Variants in ATP6V0A1 observed in about 807,000 individuals in gnomAD.
ATP6V0A1 encodes V-type proton ATPase 116 kDa subunit a 1.
A neutral mutation model predicts 105.4 loss-of-function variants in ATP6V0A1; 43 were observed. The ratio of observed to expected loss-of-function variants is 0.41; its 90% CI spans 0.32 to 0.53. ATP6V0A1 has a LOEUF of 0.53. Ranked by LOEUF, ATP6V0A1 falls within the 20% of genes least tolerant of loss-of-function variation. The probability of loss-of-function intolerance (pLI) is 0.30; values close to 1 mark genes in which losing one functional copy is unlikely to be tolerated. For synonymous variants in ATP6V0A1, 362 were observed against 372.8 expected, an observed-to-expected ratio of 0.97 and a Z score of 0.33; for missense variants, 676 against 1,051.1, an observed-to-expected ratio of 0.64 and a Z score of 4.93.
chr17:42,506,664 T>C (rs1047663322), intron 17 of ATP6V0A1, among the ~76,000 whole-genome samples: 1 of 152,248 alleles, frequency 6.6e-6, no homozygotes, highest in Non-Finnish European at 1.5e-5. Context: ...TTAGCACTAA[T>C]TGGGATCTGT....
intron 18 of ATP6V0A1, among the ~76,000 whole-genome samples, 198 bp from the exon 19 acceptor site, chr17:42,508,374 T>G (rs2146231379): frequency 6.6e-6 from 1 of 152,374 alleles, no homozygotes; most frequent in African/African-American, 2.4e-5. Context: ...TGTGGATGCC[T>G]TTAAAAAATA....
chr17:42,484,732 G>GC (rs921821977), intron 9 of ATP6V0A1, among the ~76,000 whole-genome samples: 26 of 152,018 alleles, frequency 1.7e-4, no homozygotes, highest in African/African-American at 5.8e-4. Context: ...AGTGATGATT[G>GC]CCCCCTTAGA....
chr17:42,492,118 C>T (rs1221243116), intron 11 of ATP6V0A1, among the ~76,000 whole-genome samples: 2 of 152,132 alleles, frequency 1.3e-5, no homozygotes, highest in African/African-American at 2.4e-5. Context: ...CCTGTAATCC[C>T]AGCACTTTGG....
intron 17 of ATP6V0A1, 172 bp from the exon 18 acceptor site, chr17:42,507,348 T>C (rs1408046137): frequency 1.9e-6 from 1 of 540,144 alleles, no homozygotes; most frequent in African/African-American, 1.9e-5. Context: ...GAGGCGGTGG[T>C]TGGGGTGGAA....
intron 5 of ATP6V0A1, among the ~76,000 whole-genome samples, chr17:42,474,191 C>T (rs530110111): frequency 4.6e-5 from 7 of 152,040 alleles, no homozygotes; most frequent in South Asian, 2.1e-4. Flanking sequence ...TTAGTAGAGA[C>T]GGGCGTTTCA....
At chr17:42,514,521 G>C in intron 21 of ATP6V0A1, 61 bp downstream of exon 21, 1 of 1,461,868 alleles carries the variant, frequency 6.8e-7, no homozygotes, top group Non-Finnish European at 9.2e-7. Flanking sequence ...GCGGTGAGAG[G>C]GCAGCTTTTC....
chr17:42,459,368 G>C (rs1009719239), intron 1 of ATP6V0A1, among the ~76,000 whole-genome samples: 1 of 152,236 alleles, frequency 6.6e-6, no homozygotes, highest in African/African-American at 2.4e-5. Flanking sequence ...GGGAGGAGGC[G>C]AGGACCGGAT....
intron 21 of ATP6V0A1, 102 bp from the exon 22 acceptor site, chr17:42,520,925 G>C: frequency 9.8e-7 from 1 of 1,022,672 alleles, no homozygotes; most frequent in Non-Finnish European, 1.4e-6. Flanking sequence ...GGGAGGCTCG[G>C]GGTGAGGTGG....
In ATP6V0A1 at chr17:42,462,406, GTTT is replaced by G. The variant is rs2086528377; in HGVS notation, c.117+1398_117+1400del. ...TTTGCTTTTATTTCTCCTATGTGTG[GTTT>G]TTGTTGTTGTTGTTGTTGCTTTTCT... On this transcript the variant is annotated intron_variant, in intron 2 of 21. Coordinates refer to ENST00000343619, the MANE Select transcript of ATP6V0A1 (RefSeq NM_001130021.3). Among the ~76,000 whole-genome samples the G allele has an allele frequency of 2.6e-5, 4 of 151,876 alleles. No individual in the cohort carries two copies. In the South Asian group the frequency reaches 8.4e-4, roughly 32 times the overall value.
chr17:42,478,758 A>G (rs2089108602), intron 7 of ATP6V0A1, 169 bp downstream of exon 7: 6 of 580,144 alleles, frequency 1.0e-5, no homozygotes, highest in East Asian at 4.0e-5. Flanking sequence ...TTCCTGTCAT[A>G]TATACATATG....
chr17:42,508,686 A>ACACATGAC (rs2092175607), intron 19 of ATP6V0A1, 97 bp downstream of exon 19: 1 of 1,505,096 alleles, frequency 6.6e-7, no homozygotes, highest in Admixed American at 1.7e-5. Context: ...CTGGGGCCAT[A>ACACATGAC]CACATGACTC....
At chr17:42,461,154 A>C (rs974962895) in intron 2 of ATP6V0A1, 143 bp downstream of exon 2, 6 of 739,054 alleles carry the variant, frequency 8.1e-6, no homozygotes, top group Non-Finnish European at 1.4e-5. Context: ...GCACATTTTG[A>C]GTTGTCTTTC....
intron 2 of ATP6V0A1, 69 bp downstream of exon 2, chr17:42,461,080 G>A: frequency 7.7e-7 from 1 of 1,305,074 alleles, no homozygotes; most frequent in Admixed American, 1.8e-5. Context: ...GATGCCTTAT[G>A]ATGAATGTTT....
chr17:42,479,799 A>G (rs895783657), intron 7 of ATP6V0A1, among the ~76,000 whole-genome samples: 30 of 152,336 alleles, frequency 2.0e-4, no homozygotes, highest in African/African-American at 7.2e-4. Context: ...TTGTAGTCAC[A>G]TTAATGAGGA....
chr17:42,504,813 C>T (rs1374687887), intron 17 of ATP6V0A1, among the ~76,000 whole-genome samples: 1 of 152,126 alleles, frequency 6.6e-6, no homozygotes, highest in Non-Finnish European at 1.5e-5. Context: ...AACCACCTGC[C>T]CCCACTACAG....
chr17:42,486,576 T>A (rs2090134484), intron 9 of ATP6V0A1, among the ~76,000 whole-genome samples: 1 of 152,176 alleles, frequency 6.6e-6, no homozygotes. Flanking sequence ...AAGCCTGACA[T>A]AAAGGTAACA....
At chr17:42,462,841 G>A (rs1466428294) in intron 2 of ATP6V0A1, among the ~76,000 whole-genome samples, 2 of 151,316 alleles carry the variant, frequency 1.3e-5, no homozygotes, top group Non-Finnish European at 2.9e-5. Flanking sequence ...TTGAACTCCT[G>A]GACTCAAGCG....
chr17:42,494,849 T>G (rs1464398071), intron 12 of ATP6V0A1, 185 bp from the exon 13 acceptor site: 1 of 603,290 alleles, frequency 1.7e-6, no homozygotes, highest in African/African-American at 1.8e-5. Flanking sequence ...AATAAAAAAA[T>G]AGAGGCCACA....
At chr17:42,475,706 T>C (rs2088643703) in intron 5 of ATP6V0A1, among the ~76,000 whole-genome samples, 1 of 152,232 alleles carries the variant, frequency 6.6e-6, no homozygotes, top group Non-Finnish European at 1.5e-5. Flanking sequence ...TGAGTGGTTC[T>C]AGTCATCCTA....
Sources: allele counts gnomAD v4.1 joint callset (sites outside exome capture counted in the v4.1 genomes callset), GRCh38; gene constraint gnomAD v4.1.1; transcripts MANE v1.5; gene names NCBI Gene and HGNC (gene_info 2026-07-23, HGNC 2026-07-21).